PDE1C: variants seen among roughly 807,000 people sequenced by gnomAD.
PDE1C encodes the protein phosphodiesterase 1C.
A neutral mutation model predicts 93.1 loss-of-function variants in PDE1C; 62 were observed. The ratio of observed to expected loss-of-function variants is 0.67; its 90% CI spans 0.54 to 0.82. PDE1C has a LOEUF of 0.82. Ranked by LOEUF, PDE1C falls within the 40% of genes least tolerant of loss-of-function variation. The pLI, the probability that PDE1C is intolerant of heterozygous loss-of-function variation, is 0.00. For synonymous variants in PDE1C, 325 were observed against 310.1 expected, an observed-to-expected ratio of 1.05 and a Z score of -0.50; for missense variants, 742 against 884.6, an observed-to-expected ratio of 0.84 and a Z score of 2.04.
chr7:32,256,994 G>C (rs1809845253), intron 1 of PDE1C, among the ~76,000 whole-genome samples: 1 of 152,138 alleles, frequency 6.6e-6, no homozygotes, highest in Non-Finnish European at 1.5e-5. Flanking sequence ...CAGTCCATCT[G>C]TCCATCCATT....
chr7:31,695,365 A>G, the PDE1C span: 1 of 1,053,194 alleles, frequency 9.5e-7, no homozygotes, highest in East Asian at 2.5e-5. Flanking sequence ...TTCAGGCCAA[A>G]TCACCTCTGT....
At position 31,974,953 on chromosome 7, in the gene PDE1C, T is replaced by C. The variant is rs375049683; in HGVS notation, c.128+76601A>G. Among the ~76,000 whole-genome samples the C allele has an allele frequency of 1.7e-3, 258 of 152,358 alleles. 1 individual carries two copies. The highest frequency in any genetic ancestry group is 6.0e-3 in the African/African-American group (249 of 41,596). ...CCTGCAGGTTCTCCCCATTGCCTTCTGAACAAAGGCCGAGTTCATGAAAAC... is the reference window on the plus strand; with the variant it reads ...CCTGCAGGTTCTCCCCATTGCCTTCCGAACAAAGGCCGAGTTCATGAAAAC... On this transcript the variant is annotated intron_variant, in intron 2 of 17. Coordinates refer to ENST00000396191, the MANE Select transcript of PDE1C (RefSeq NM_001191057.4).
chr7:31,761,590 C>T (rs1446800407), intron 17 of PDE1C, among the ~76,000 whole-genome samples: 2 of 152,170 alleles, frequency 1.3e-5, no homozygotes, highest in African/African-American at 4.8e-5. Context: ...AGCTCCAGGA[C>T]TCTTTAACTT....
intron 1 of PDE1C, among the ~76,000 whole-genome samples, chr7:32,424,128 C>A (rs866594117): frequency 6.6e-6 from 1 of 152,182 alleles, no homozygotes; most frequent in East Asian, 1.9e-4. Context: ...GAAAGCAAAG[C>A]TTTGAAAACA....
intron 2 of PDE1C, among the ~76,000 whole-genome samples, chr7:31,962,205 G>C (rs962709577): frequency 1.3e-5 from 2 of 152,204 alleles, no homozygotes; most frequent in African/African-American, 4.8e-5. Context: ...GTACCAATGA[G>C]AGAAACCCAG....
At chr7:31,739,913 G>A in the PDE1C span, among the ~76,000 whole-genome samples, 4 of 152,316 alleles carry the variant, frequency 2.6e-5, no homozygotes, top group Admixed American at 2.0e-4. Context: ...GCACATTGAC[G>A]TAGAACACTT....
intron 2 of PDE1C, among the ~76,000 whole-genome samples, chr7:31,998,091 C>T (rs1584386221): frequency 6.6e-6 from 1 of 151,960 alleles, no homozygotes; most frequent in African/African-American, 2.4e-5. Flanking sequence ...GCAATCTTGG[C>T]TCACTGCAAT....
intron 17 of PDE1C, among the ~76,000 whole-genome samples, chr7:31,770,422 T>C (rs1795409959): frequency 6.6e-6 from 1 of 152,238 alleles, no homozygotes. Flanking sequence ...CCTAATTTTT[T>C]CTTGGTTGTT....
At chr7:31,782,209 A>T (rs897211439) in intron 16 of PDE1C, among the ~76,000 whole-genome samples, 1 of 152,234 alleles carries the variant, frequency 6.6e-6, no homozygotes, top group African/African-American at 2.4e-5. Flanking sequence ...TTAATGGAGA[A>T]GTTAAAAAAA....
intron 2 of PDE1C, among the ~76,000 whole-genome samples, chr7:32,207,935 G>A (rs148695921): frequency 8.0e-4 from 122 of 152,280 alleles, no homozygotes; most frequent in Non-Finnish European, 1.5e-3. Context: ...GTTGGGTCAC[G>A]ATTCATGCTT....
rs1364509989 is a variant in PDE1C, at chr7:32,363,338, A to C, written c.310+64484T>G. Among the ~76,000 whole-genome samples the C allele has an allele frequency of 2.0e-5, 3 of 152,222 alleles. No homozygotes were observed. The East Asian group carries it at 5.8e-4, about 29-fold the overall frequency. ...AAACAGTCTCAAAGAAGCTAAAATA[A>C]TGTGCCCAAGGCCACACAGCAAGTA... On this transcript the variant is annotated intron_variant, in intron 1 of 1. Transcript: ENST00000672256.
chr7:32,077,835 C>T, intron 3 of PDE1C: 1 of 982,966 alleles, frequency 1.0e-6, no homozygotes, highest in Non-Finnish European at 1.2e-6. Context: ...TCCCAAAATG[C>T]TGGGATTACA....
chr7:32,128,075 T>C (rs909071435), intron 3 of PDE1C, among the ~76,000 whole-genome samples: 21 of 151,888 alleles, frequency 1.4e-4, no homozygotes, highest in African/African-American at 1.4e-4. Flanking sequence ...AAGTAAACTT[T>C]AGAATTTAAT....
chr7:31,670,895 T>C, the PDE1C span, among the ~76,000 whole-genome samples: 7 of 152,224 alleles, frequency 4.6e-5, no homozygotes, highest in African/African-American at 1.4e-4. Flanking sequence ...TCGGAGACTA[T>C]GGTTGAATGT....
intron 3 of PDE1C, among the ~76,000 whole-genome samples, chr7:32,154,447 C>T (rs999479403): frequency 1.3e-5 from 2 of 152,132 alleles, no homozygotes; most frequent in Non-Finnish European, 2.9e-5. Flanking sequence ...TAATATTTTA[C>T]AAGACTCTAG....
chr7:32,303,670 G>A (rs1296643845), upstream of PDE1C, among the ~76,000 whole-genome samples: 1 of 152,082 alleles, frequency 6.6e-6, no homozygotes, highest in African/African-American at 2.4e-5. Flanking sequence ...ACATACTTGA[G>A]GGCCCAAAAA....
chr7:32,008,148 C>T (rs1786528865), intron 2 of PDE1C, among the ~76,000 whole-genome samples: 1 of 152,212 alleles, frequency 6.6e-6, no homozygotes, highest in South Asian at 2.1e-4. Context: ...CCATGAGCTA[C>T]ATGCCAGATA....
chr7:31,692,621 C>T, the PDE1C span: 26 of 1,131,486 alleles, frequency 2.3e-5, no homozygotes, highest in Non-Finnish European at 3.0e-5. Context: ...GGGCACCCCC[C>T]GAAACCTGAT....
chr7:31,888,249 CAAAAAAAAAAAAA>C (rs34112969), intron 2 of PDE1C, among the ~76,000 whole-genome samples: 6 of 44,224 alleles, frequency 1.4e-4, no homozygotes, highest in African/African-American at 2.5e-4. Flanking sequence ...GACTCAGTCT[CAAAAAAAAAAAAA>C]AAAAAAAAAA....
Sources: gnomAD v4.1 joint callset for allele counts (sites outside exome capture counted in the v4.1 genomes callset) on GRCh38, gnomAD v4.1.1 for gene constraint, MANE v1.5 for transcripts, NCBI Gene and HGNC (gene_info 2026-07-23, HGNC 2026-07-21) for gene names.